Variants in NAV2 observed in about 807,000 individuals in gnomAD.
The protein encoded by NAV2 is neuron navigator 2.
A neutral mutation model predicts 223.2 loss-of-function variants in NAV2; 54 were observed. That is an observed-to-expected ratio of 0.24 (90% CI 0.19 to 0.30). The LOEUF is 0.30. Among genes scored for constraint, NAV2 ranks in the 10% least tolerant of loss-of-function variants. NAV2 has a pLI of 1.00. For missense variants in NAV2, 2,806 were observed against 3,147.5 expected (o/e 0.89, Z 2.60); for synonymous variants, 1,279 against 1,239.3 (o/e 1.03, Z -0.67).
intron 1 of NAV2, among the ~76,000 whole-genome samples, chr11:19,820,651 T>C (rs2059322740): frequency 6.6e-6 from 1 of 152,200 alleles, no homozygotes; most frequent in African/African-American, 2.4e-5. Context: ...AGCTTCACCT[T>C]TTATTAGCTA....
Position 19,420,167 on chromosome 11 carries a change from G to A in NAV2, c.75+69140G>A, listed in dbSNP as rs1850550684. On this transcript the variant is annotated intron_variant, in intron 1 of 37. Coordinates refer to the NAV2 transcript ENST00000360655. ...CTATGGACTGTTGTGTTTCTCCCAT[G>A]TCACTGTCTTTAGTAGTGACGTTAG... Among the ~76,000 whole-genome samples the A allele has an allele frequency of 3.3e-5, 5 of 152,276 alleles. No homozygotes were observed. The South Asian group carries it at 1.0e-3, about 32-fold the overall frequency.
chr11:19,624,477 G>A lies in NAV2; in HGVS notation c.76-208007G>A, dbSNP rs569342085. ...TGGCGGGTGCCCCTCCCCCAGCCTC[G>A]CTACTGCCTTGCAGTTCGATCTCAG... On this transcript the variant is annotated intron_variant, in intron 1 of 37. Transcript: ENST00000360655. Among the ~76,000 whole-genome samples, 1,102 of 152,208 alleles carry A rather than the reference G, an allele frequency of 7.2e-3. 22 individuals carry two copies. The highest frequency in any genetic ancestry group is 0.025 in the African/African-American group (1,055 of 41,536).
At chr11:19,680,744 A>C (rs2048859136) in intron 1 of NAV2, among the ~76,000 whole-genome samples, 1 of 152,250 alleles carries the variant, frequency 6.6e-6, no homozygotes, top group Non-Finnish European at 1.5e-5. Context: ...AAATTTATAA[A>C]GGAACTGGCA....
At chr11:19,865,277 T>G (rs1315720439) in intron 3 of NAV2, among the ~76,000 whole-genome samples, 1 of 152,144 alleles carries the variant, frequency 6.6e-6, no homozygotes, top group Non-Finnish European at 1.5e-5. Context: ...ACTACTGGGG[T>G]GCTGCTGCTG....
At chr11:19,761,418 G>T (rs192377686) in intron 1 of NAV2, among the ~76,000 whole-genome samples, 1 of 152,174 alleles carries the variant, frequency 6.6e-6, no homozygotes, top group Non-Finnish European at 1.5e-5. Context: ...ATATGCTCAG[G>T]AGTGACAGGG....
chr11:19,373,977 A>G (rs1020925973), intron 1 of NAV2, among the ~76,000 whole-genome samples: 2 of 152,242 alleles, frequency 1.3e-5, no homozygotes, highest in African/African-American at 4.8e-5. Flanking sequence ...AACCTGTATG[A>G]AAACAAGGCA....
At chr11:19,353,174 C>T (rs540113499) in intron 1 of NAV2, among the ~76,000 whole-genome samples, 1 of 152,274 alleles carries the variant, frequency 6.6e-6, no homozygotes, top group South Asian at 2.1e-4. Context: ...TTCATTGGCA[C>T]CAGATCCTCC....
At chr11:19,528,312 C>T (rs2043909024) in intron 1 of NAV2, among the ~76,000 whole-genome samples, 2 of 152,192 alleles carry the variant, frequency 1.3e-5, no homozygotes, top group Non-Finnish European at 1.5e-5. Flanking sequence ...TCATGACCTT[C>T]TGGTCTTTGC....
intron 10 of NAV2, among the ~76,000 whole-genome samples, chr11:19,982,352 C>G (rs1383640580): frequency 2.0e-5 from 3 of 152,074 alleles, no homozygotes; most frequent in African/African-American, 7.2e-5. Flanking sequence ...ACTGCAACCT[C>G]CACCTCCCGG....
At chr11:19,490,389 C>T (rs2042585651) in intron 1 of NAV2, among the ~76,000 whole-genome samples, 1 of 152,226 alleles carries the variant, frequency 6.6e-6, no homozygotes, top group Non-Finnish European at 1.5e-5. Flanking sequence ...TCAGTTCTCT[C>T]AAACCCTGCT....
At chr11:19,944,410 CCTTTT>C (rs1252492968) in intron 8 of NAV2, among the ~76,000 whole-genome samples, 1 of 152,034 alleles carries the variant, frequency 6.6e-6, no homozygotes. Context: ...TGTTTTCTTT[CCTTTT>C]CTTTTCTTCT....
intron 8 of NAV2, 79 bp downstream of exon 8, chr11:19,939,852 CAG>C: frequency 1.1e-6 from 1 of 938,690 alleles, no homozygotes; most frequent in Non-Finnish European, 1.6e-6. Context: ...AGCATGAACC[CAG>C]CTTGATTACG....
At chr11:19,533,737 C>T (rs1379553500) in intron 1 of NAV2, among the ~76,000 whole-genome samples, 3 of 121,734 alleles carry the variant, frequency 2.5e-5, no homozygotes, top group Admixed American at 7.9e-5. Flanking sequence ...GACGGAGTCT[C>T]GCTCTGTCGC....
At chr11:19,803,457 G>T (rs772430204) in intron 1 of NAV2, among the ~76,000 whole-genome samples, 1 of 152,246 alleles carries the variant, frequency 6.6e-6, no homozygotes, top group Non-Finnish European at 1.5e-5. Flanking sequence ...CACTGAAATG[G>T]TGGGAGCAGA....
chr11:19,797,318 A>G (rs1398865964), intron 1 of NAV2, among the ~76,000 whole-genome samples: 1 of 152,100 alleles, frequency 6.6e-6, no homozygotes, highest in East Asian at 1.9e-4. Context: ...TATGGCCACC[A>G]GTGGTTTTAT....
intron 22 of NAV2, among the ~76,000 whole-genome samples, chr11:20,073,565 T>C (rs2059537565): frequency 6.6e-6 from 1 of 152,196 alleles, no homozygotes; most frequent in Admixed American, 6.5e-5. Context: ...CATCTAGTTC[T>C]GGACTTTTTT....
intron 11 of NAV2, among the ~76,000 whole-genome samples, chr11:20,002,708 G>A (rs73434181): frequency 6.6e-6 from 1 of 152,024 alleles, no homozygotes; most frequent in Non-Finnish European, 1.5e-5. Flanking sequence ...AGGCCAGTAG[G>A]TGCCCCACTC....
At chr11:19,732,743 A>C (rs1180184255) in intron 1 of NAV2, among the ~76,000 whole-genome samples, 1 of 152,220 alleles carries the variant, frequency 6.6e-6, no homozygotes, top group African/African-American at 2.4e-5. Context: ...GGTCTGGTTC[A>C]GATACCTGGG....
chr11:19,657,328 C>G (rs531962522), intron 1 of NAV2, among the ~76,000 whole-genome samples: 3 of 152,070 alleles, frequency 2.0e-5, no homozygotes, highest in African/African-American at 7.2e-5. Flanking sequence ...GTTTGTACTT[C>G]CCAATACAAT....
Sources: gnomAD v4.1 joint callset for allele counts (sites outside exome capture counted in the v4.1 genomes callset) on GRCh38, gnomAD v4.1.1 for gene constraint, MANE v1.5 for transcripts, NCBI Gene and HGNC (gene_info 2026-07-23, HGNC 2026-07-21) for gene names.